Variants in ZFAND3 observed in about 807,000 individuals in gnomAD.
ZFAND3 encodes AN1-type zinc finger protein 3.
ZFAND3 carries 10 observed loss-of-function variants against 29.6 expected under a neutral mutation model. The observed-to-expected ratio is 0.34, with a 90% CI of 0.21 to 0.57. The LOEUF (loss-of-function observed/expected upper bound fraction) is 0.57. Ranked by LOEUF, ZFAND3 falls within the 20% of genes least tolerant of loss-of-function variation. ZFAND3 has a pLI of 0.86. For missense variants in ZFAND3, 230 were observed against 304.5 expected (o/e 0.76, Z 1.82); for synonymous variants, 128 against 112.6 (o/e 1.14, Z -0.87).
rs553534141 is a variant in ZFAND3 at position 38,124,314 on chromosome 6, G to A, written c.529+7575G>A. 7.2e-5 allele frequency among the ~76,000 whole-genome samples: 11 copies of A among 152,318 alleles called. 1 individual carries two copies. Among genetic ancestry groups the A allele is most frequent in the South Asian group, 4.1e-4 (2 of 4,822 alleles). Reference sequence around the variant, plus strand: ...GCAGGTGGAGCTGCCTGCCAGTCCCGCGCCATGCGCCCGCAATCCTCAGCC... The same window carrying A: ...GCAGGTGGAGCTGCCTGCCAGTCCCACGCCATGCGCCCGCAATCCTCAGCC... On this transcript the variant is annotated intron_variant, in intron 5 of 5. Coordinates refer to ENST00000287218, the MANE Select transcript of ZFAND3 (RefSeq NM_021943.3).
intron 5 of ZFAND3, among the ~76,000 whole-genome samples, chr6:38,118,149 C>T (rs73730892): frequency 0.033 from 4,970 of 152,194 alleles, 221 homozygotes; most frequent in African/African-American, 0.096. Flanking sequence ...TTCAGATGTC[C>T]GTGTGTTCAT....
chr6:37,963,955 CT>C (rs1168914120), intron 2 of ZFAND3, among the ~76,000 whole-genome samples: 3 of 152,178 alleles, frequency 2.0e-5, no homozygotes, highest in Admixed American at 1.3e-4. Context: ...ACAAATCCTA[CT>C]TTTCTGGAAG....
chr6:37,887,041 G>A (rs1426282541), intron 1 of ZFAND3, among the ~76,000 whole-genome samples: 1 of 147,670 alleles, frequency 6.8e-6, no homozygotes, highest in Non-Finnish European at 1.5e-5. Context: ...GTATATCATT[G>A]TATATCATAC....
chr6:37,920,052 C>CTTTTTTTTTTTTTTTTTTTTTGTT (rs1761347812), intron 1 of ZFAND3, among the ~76,000 whole-genome samples: 1 of 93,412 alleles, frequency 1.1e-5, no homozygotes, highest in Non-Finnish European at 2.1e-5. Context: ...TTTTTTGAAG[C>CTTTTTTTTTTTTTTTTTTTTTGTT]TTTTTTTTTT....
At chr6:37,990,123 G>A (rs1040091245) in intron 2 of ZFAND3, among the ~76,000 whole-genome samples, 3 of 152,176 alleles carry the variant, frequency 2.0e-5, no homozygotes, top group Non-Finnish European at 4.4e-5. Flanking sequence ...TGTTAACTAA[G>A]TAAGTCCCAC....
chr6:38,062,253 A>G (rs1410319148), intron 3 of ZFAND3, among the ~76,000 whole-genome samples: 1 of 152,146 alleles, frequency 6.6e-6, no homozygotes, highest in African/African-American at 2.4e-5. Flanking sequence ...GACTGTTTCT[A>G]AGCATTTAAC....
chr6:37,844,448 A>AT (rs1411165447), intron 1 of ZFAND3, among the ~76,000 whole-genome samples: 1 of 151,084 alleles, frequency 6.6e-6, no homozygotes, highest in African/African-American at 2.4e-5. Flanking sequence ...CACCCGGCTA[A>AT]TTTTTTGTAT....
chr6:38,024,397 G>A (rs1219308605), intron 2 of ZFAND3, among the ~76,000 whole-genome samples: 4 of 151,886 alleles, frequency 2.6e-5, no homozygotes, highest in African/African-American at 9.7e-5. Context: ...GCATGAACCC[G>A]GGAGGTGGAG....
chr6:38,098,959 C>T (rs1581916029), intron 4 of ZFAND3, among the ~76,000 whole-genome samples: 2 of 152,114 alleles, frequency 1.3e-5, no homozygotes, highest in Non-Finnish European at 1.5e-5. Flanking sequence ...AGTTCAAACT[C>T]CTGGTCTAGG....
intron 1 of ZFAND3, among the ~76,000 whole-genome samples, chr6:37,825,438 T>G (rs1398573778): frequency 1.3e-5 from 2 of 152,238 alleles, no homozygotes; most frequent in East Asian, 3.8e-4. Flanking sequence ...ATTTATCTGC[T>G]TGCCCTATTT....
chr6:37,932,102 C>A (rs1385249622), intron 2 of ZFAND3, among the ~76,000 whole-genome samples: 1 of 152,038 alleles, frequency 6.6e-6, no homozygotes, highest in Admixed American at 6.5e-5. Context: ...AACCCCGTCT[C>A]TACTAAAAAC....
intron 2 of ZFAND3, among the ~76,000 whole-genome samples, chr6:37,993,810 GATA>G (rs1322372914): frequency 1.3e-5 from 2 of 152,158 alleles, no homozygotes; most frequent in Admixed American, 6.5e-5. Flanking sequence ...ATTGTCACGT[GATA>G]ATGATTGGCT....
intron 1 of ZFAND3, among the ~76,000 whole-genome samples, chr6:37,876,280 A>G (rs1764791590): frequency 6.6e-6 from 1 of 152,138 alleles, no homozygotes; most frequent in South Asian, 2.1e-4. Flanking sequence ...TCCCGTAGGC[A>G]TTGATTTGTT....
At chr6:37,977,395 G>A (rs1464926976) in intron 2 of ZFAND3, among the ~76,000 whole-genome samples, 4 of 152,118 alleles carry the variant, frequency 2.6e-5, no homozygotes, top group South Asian at 4.1e-4. Context: ...TCTGCCTCCC[G>A]GGTTCAAGTG....
At chr6:37,976,280 G>A (rs187630099) in intron 2 of ZFAND3, among the ~76,000 whole-genome samples, 123 of 152,066 alleles carry the variant, frequency 8.1e-4, no homozygotes, top group African/African-American at 2.8e-3. Context: ...TTTTCACACT[G>A]CTGTAAAGAT....
At chr6:38,088,748 A>G (rs1240448709) in intron 4 of ZFAND3, among the ~76,000 whole-genome samples, 1 of 152,202 alleles carries the variant, frequency 6.6e-6, no homozygotes, top group Admixed American at 6.5e-5. Flanking sequence ...GATAGACTTG[A>G]AAAAGGATGG....
intron 1 of ZFAND3, among the ~76,000 whole-genome samples, chr6:37,909,772 C>G (rs1765487959): frequency 6.6e-6 from 1 of 151,994 alleles, no homozygotes; most frequent in Non-Finnish European, 1.5e-5. Context: ...TAAATACTTC[C>G]ATTTCTTTTC....
chr6:38,137,894 G>A (rs952306242), intron 5 of ZFAND3, among the ~76,000 whole-genome samples: 13 of 152,206 alleles, frequency 8.5e-5, no homozygotes, highest in Non-Finnish European at 7.3e-5. Context: ...GGAGGAGAGT[G>A]GAGACGCAGC....
chr6:38,072,774 CTA>C (rs1764481433), intron 3 of ZFAND3, among the ~76,000 whole-genome samples: 1 of 152,176 alleles, frequency 6.6e-6, no homozygotes, highest in South Asian at 2.1e-4. Context: ...CAAAAAATGA[CTA>C]TGTAACTGTA....
Sources: allele counts gnomAD v4.1 joint callset (sites outside exome capture counted in the v4.1 genomes callset), GRCh38; gene constraint gnomAD v4.1.1; transcripts MANE v1.5; gene names NCBI Gene and HGNC (gene_info 2026-07-23, HGNC 2026-07-21).